The following CALCR variants were observed in gnomAD, a reference collection of about 807,000 sequenced individuals.
The protein encoded by CALCR is calcitonin receptor.
Under a neutral mutation model 59.5 loss-of-function variants are expected in CALCR, and 47 were observed. The observed-to-expected ratio is 0.79, with a 90% CI of 0.63 to 1.01. The LOEUF (loss-of-function observed/expected upper bound fraction) is 1.01, where lower values mean the gene tolerates loss of function less well. CALCR is among the 50% of genes least tolerant of loss of function. CALCR has a pLI of 0.00. For missense variants in CALCR, 566 were observed against 597.1 expected (o/e 0.95, Z 0.54); for synonymous variants, 213 against 211.3 (o/e 1.01, Z -0.07).
intron 2 of CALCR, among the ~76,000 whole-genome samples, chr7:93,566,068 T>A (rs1400187049): frequency 6.6e-6 from 1 of 152,030 alleles, no homozygotes; most frequent in Admixed American, 6.5e-5. Flanking sequence ...AAATTATTAT[T>A]ATTAAAGAGA....
chr7:93,523,530 G>A (rs969633028), intron 2 of CALCR, among the ~76,000 whole-genome samples: 9 of 152,050 alleles, frequency 5.9e-5, no homozygotes, highest in Non-Finnish European at 1.3e-4. Flanking sequence ...ATGAATCAAT[G>A]ATTTCTTCTG....
chr7:93,506,135 C>T (rs1471989577), intron 2 of CALCR, among the ~76,000 whole-genome samples: 1 of 152,146 alleles, frequency 6.6e-6, no homozygotes, highest in East Asian at 1.9e-4. Flanking sequence ...CTCCTAAACT[C>T]ACTCTCTGTG....
chr7:93,521,358 A>G (rs566140244), intron 2 of CALCR, among the ~76,000 whole-genome samples: 4 of 152,288 alleles, frequency 2.6e-5, no homozygotes, highest in Non-Finnish European at 5.9e-5. Context: ...CATGAGAAAT[A>G]GTATACTGTC....
intron 5 of CALCR, among the ~76,000 whole-genome samples, chr7:93,473,492 AG>A (rs1159667403): frequency 6.6e-6 from 1 of 151,798 alleles, no homozygotes; most frequent in East Asian, 1.9e-4. Context: ...CTTATTGTTA[AG>A]ATGCAGATGT....
At chr7:93,486,445 G>A (rs1183384468) in intron 3 of CALCR, among the ~76,000 whole-genome samples, 1 of 151,476 alleles carries the variant, frequency 6.6e-6, no homozygotes, top group Non-Finnish European at 1.5e-5. Flanking sequence ...TCCATAGTCA[G>A]TTTTTGATGA....
chr7:93,541,840 T>G (rs1789149159), intron 2 of CALCR, among the ~76,000 whole-genome samples: 1 of 152,194 alleles, frequency 6.6e-6, no homozygotes, highest in Non-Finnish European at 1.5e-5. Context: ...TTCTAAATAA[T>G]CCCTACAGTC....
At chr7:93,489,736 A>G (rs1801032378) in intron 2 of CALCR, among the ~76,000 whole-genome samples, 1 of 152,020 alleles carries the variant, frequency 6.6e-6, no homozygotes, top group Non-Finnish European at 1.5e-5. Flanking sequence ...GAATAGACCA[A>G]TAGCAAGTTC....
At chr7:93,552,211 T>C (rs1442660363) in intron 2 of CALCR, among the ~76,000 whole-genome samples, 1 of 152,168 alleles carries the variant, frequency 6.6e-6, no homozygotes, top group Admixed American at 6.6e-5. Context: ...ACAAGGTAAA[T>C]GTATTACCTA....
chr7:93,435,675 G>A (rs113132163), intron 12 of CALCR, among the ~76,000 whole-genome samples: 32 of 151,828 alleles, frequency 2.1e-4, no homozygotes, highest in Non-Finnish European at 3.2e-4. Context: ...GCGTGGTAGC[G>A]CACACCTGTA....
At chr7:93,468,029 C>T (rs1233313799) in intron 7 of CALCR, among the ~76,000 whole-genome samples, 1 of 151,556 alleles carries the variant, frequency 6.6e-6, no homozygotes. Flanking sequence ...GTTATGAGTG[C>T]TTTATTTTCA....
At chr7:93,554,793 T>TATATATATATATATATA (rs1789552399) in intron 2 of CALCR, among the ~76,000 whole-genome samples, 3 of 98,976 alleles carry the variant, frequency 3.0e-5, no homozygotes, top group African/African-American at 2.5e-4. Context: ...ATATATATAT[T>TATATATATATATATATA]ATACGTACAT....
rs1034130237 is a variant in CALCR, at chr7:93,424,983, C to A, written c.*1373G>T. 2 of 152,554 alleles carry A rather than the reference C, an allele frequency of 1.3e-5. No homozygotes were observed. Among genetic ancestry groups the A allele is most frequent in the African/African-American group, 2.4e-5 (1 of 41,434 alleles). The allele number at this position is 152,554 out of a possible 1,614,324, so 9.5% of individuals were successfully genotyped here. ...TCTGAAAGGCAGTGGCAAAATATGA[C>A]ATAGATGAGACTGGAGATTTGGAGG... On this transcript the variant is annotated 3_prime_UTR_variant, in exon 14 of 14. Coordinates refer to ENST00000426151, the MANE Select transcript of CALCR (RefSeq NM_001742.4).
chr7:93,478,709 G>A (rs1333604054), intron 4 of CALCR, among the ~76,000 whole-genome samples: 2 of 151,412 alleles, frequency 1.3e-5, no homozygotes, highest in Admixed American at 6.6e-5. Context: ...GGACAAGTAG[G>A]AGAATTTAAA....
intron 2 of CALCR, among the ~76,000 whole-genome samples, chr7:93,519,296 T>G (rs1019968752): frequency 6.6e-6 from 1 of 152,054 alleles, no homozygotes; most frequent in Non-Finnish European, 1.5e-5. Flanking sequence ...AACTGATATG[T>G]GGCATCAATA....
At chr7:93,487,578 A>G (rs1446030299) in intron 2 of CALCR, among the ~76,000 whole-genome samples, 2 of 151,540 alleles carry the variant, frequency 1.3e-5, no homozygotes, top group Non-Finnish European at 3.0e-5. Flanking sequence ...TTAACAGCTC[A>G]CCATTCATAC....
intron 3 of CALCR, among the ~76,000 whole-genome samples, chr7:93,480,117 A>C (rs1584569726): frequency 6.6e-6 from 1 of 152,032 alleles, no homozygotes; most frequent in East Asian, 1.9e-4. Flanking sequence ...CTAATGAAAA[A>C]TCAATGTATT....
chr7:93,463,402 G>A (rs1800379305), intron 7 of CALCR, among the ~76,000 whole-genome samples: 1 of 151,820 alleles, frequency 6.6e-6, no homozygotes, highest in Admixed American at 6.6e-5. Flanking sequence ...TAATATATGA[G>A]TTTCTGTTTT....
chr7:93,565,869 T>C (rs1327502111), intron 2 of CALCR, among the ~76,000 whole-genome samples: 2 of 152,210 alleles, frequency 1.3e-5, no homozygotes, highest in Non-Finnish European at 2.9e-5. Flanking sequence ...AAGAATTCTA[T>C]CTGTCAGACT....
chr7:93,528,047 G>A (rs949886455), intron 2 of CALCR, among the ~76,000 whole-genome samples: 2 of 152,132 alleles, frequency 1.3e-5, no homozygotes, highest in Non-Finnish European at 2.9e-5. Flanking sequence ...TGAAATATTT[G>A]TATTTTTTCC....
Sources: gnomAD v4.1 joint callset for allele counts (sites outside exome capture counted in the v4.1 genomes callset) on GRCh38, gnomAD v4.1.1 for gene constraint, MANE v1.5 for transcripts, NCBI Gene and HGNC (gene_info 2026-07-23, HGNC 2026-07-21) for gene names.